SSH1: variants seen among roughly 807,000 people sequenced by gnomAD.
SSH1 encodes the protein slingshot protein phosphatase 1, also known as protein phosphatase Slingshot homolog 1.
SSH1 carries 43 observed loss-of-function variants against 79.7 expected under a neutral mutation model. The observed-to-expected ratio is 0.54, with a 90% confidence interval of 0.42 to 0.70. SSH1 has a LOEUF of 0.70. Ranked by LOEUF, SSH1 falls within the 30% of genes least tolerant of loss-of-function variation. SSH1 has a pLI of 0.00. For missense variants in SSH1, 1,206 were observed against 1,358.8 expected (o/e 0.89, Z 1.77); for synonymous variants, 599 against 538.3 (o/e 1.11, Z -1.56).
At chr12:108,792,026 G>A in intron 14 of SSH1, 3 of 1,428,574 alleles carry the variant, frequency 2.1e-6, no homozygotes, top group Non-Finnish European at 2.8e-6. Context: ...AAGATGGTGT[G>A]CAGAGATATG....
chr12:108,794,349 C>CT (rs2036650175), intron 13 of SSH1, among the ~76,000 whole-genome samples: 1 of 152,176 alleles, frequency 6.6e-6, no homozygotes. Context: ...AACCGCAGGG[C>CT]TTTTTGCACA....
At chr12:108,793,577 G>A (rs1257276327) in intron 13 of SSH1, among the ~76,000 whole-genome samples, 1 of 151,622 alleles carries the variant, frequency 6.6e-6, no homozygotes. Flanking sequence ...TATTTTTTTT[G>A]TAGTGACAGG....
intron 2 of SSH1, among the ~76,000 whole-genome samples, chr12:108,852,164 T>C (rs2039053367): frequency 6.6e-6 from 1 of 152,166 alleles, no homozygotes; most frequent in South Asian, 2.1e-4. Flanking sequence ...GCTAGACATA[T>C]GTATGGATTT....
Position 108,778,208 on chromosome 12 carries a change from T to C in SSH1, c.*9780A>G, listed in dbSNP as rs1385421956. On this transcript the variant is annotated 3_prime_UTR_variant, in exon 15 of 15. Coordinates refer to ENST00000326495, the MANE Select transcript of SSH1 (RefSeq NM_018984.4). ...ACAAGTTCTCAGTTGCAAAAGGAGATTTATTGTTTGCACCTGTCTATAAGT... is the reference window on the plus strand; with the variant it reads ...ACAAGTTCTCAGTTGCAAAAGGAGACTTATTGTTTGCACCTGTCTATAAGT... 1 of 152,200 alleles carries C rather than the reference T, an allele frequency of 6.6e-6. No individual in the cohort carries two copies. The highest frequency in any genetic ancestry group is 1.9e-4 in the East Asian group (1 of 5,200). The allele number at this position is 152,200 out of a possible 1,614,324, so 9.4% of individuals were successfully genotyped here. A position where few individuals can be genotyped will look rare whatever the true frequency, so the allele number is the denominator to read the frequency against.
At position 108,857,565 on chromosome 12, in the gene SSH1, G is replaced by A. The variant is rs2039170824; in HGVS notation, c.-69C>T. On this transcript the variant is annotated 5_prime_UTR_variant, in exon 1 of 15. Coordinates refer to ENST00000326495, the MANE Select transcript of SSH1 (RefSeq NM_018984.4). The surrounding 1 kb of genome is among the most constrained non-coding windows in gnomAD (Gnocchi z 4.7). The stretch of plus-strand genomic sequence containing the variant: ...AGCCGCCACCGCCACCGCCGCCCGG[G>A]CCGGGCCCGGGGCCTCCTGGAGCCG... The A allele has an allele frequency of 2.1e-6, 2 of 954,078 alleles. No individual in the cohort carries two copies. The highest frequency in any genetic ancestry group is 1.3e-6 in the Non-Finnish European group (1 of 798,376). 59.1% of individuals were successfully genotyped at this position (954,078 alleles called of 1,614,324 possible). A position where few individuals can be genotyped will look rare whatever the true frequency, so the allele number is the denominator to read the frequency against.
intron 1 of SSH1, among the ~76,000 whole-genome samples, chr12:108,856,468 A>G (rs771183150): frequency 3.3e-5 from 5 of 152,226 alleles, no homozygotes; most frequent in Non-Finnish European, 5.9e-5. Context: ...CACCTATGCA[A>G]TCACCCAGAA....
intron 4 of SSH1, 90 bp downstream of exon 4, chr12:108,818,159 C>G: frequency 9.2e-7 from 1 of 1,087,898 alleles, no homozygotes; most frequent in South Asian, 1.3e-5. Context: ...GATCATGCCA[C>G]TGCACTCCAG....
Position 108,857,430 on chromosome 12 carries a change from C to A in SSH1, c.67G>T (p.Glu23Ter). 4.6e-6 allele frequency: 5 copies of A among 1,098,806 alleles called. No homozygotes were observed. Among genetic ancestry groups the A allele is most frequent in the Non-Finnish European group, 5.6e-6 (5 of 888,580 alleles). 68.1% of individuals were successfully genotyped at this position (1,098,806 alleles called of 1,614,324 possible). Residue 23 changes from glutamate (E) to a stop codon, truncating the protein, a stop_gained and splice_region_variant, in exon 1 of 15, where the codon GAG becomes TAG. Transcript: ENST00000326495. LOFTEE classifies it high-confidence loss of function. The surrounding 1 kb of genome is among the most constrained non-coding windows in gnomAD (Gnocchi z 4.7). ...SAASSSASNS[E>*]LEAGSEEDRK... is the part of the protein sequence containing the mutation. ...GGCGCGGCGAGCCCGGGGCTCACCT[C>A]GCTGTTGCTGGCCGAGGAGGAGGCG...
chr12:108,800,386 T>C (rs1314898482), intron 12 of SSH1, among the ~76,000 whole-genome samples: 2 of 152,160 alleles, frequency 1.3e-5, no homozygotes, highest in Admixed American at 6.5e-5. Flanking sequence ...TGTCCGTGCA[T>C]GTCATCCCCT....
chr12:108,793,968 C>T (rs17040947), intron 13 of SSH1, among the ~76,000 whole-genome samples: 3,217 of 152,260 alleles, frequency 0.021, 113 homozygotes, highest in African/African-American at 0.073. Flanking sequence ...GCACTGAGTG[C>T]GTGGCAGGCT....
At chr12:108,805,595 A>G (rs2037230321) in intron 9 of SSH1, among the ~76,000 whole-genome samples, 1 of 152,136 alleles carries the variant, frequency 6.6e-6, no homozygotes, top group African/African-American at 2.4e-5. Flanking sequence ...GGAGTGGCTC[A>G]TGCCTGTAAT....
chr12:108,812,923 T>G (rs1338937310), intron 5 of SSH1, among the ~76,000 whole-genome samples: 1 of 150,882 alleles, frequency 6.6e-6, no homozygotes, highest in East Asian at 1.9e-4. Flanking sequence ...AATACAGTGG[T>G]GTAATCACAG....
intron 2 of SSH1, among the ~76,000 whole-genome samples, chr12:108,835,853 G>T (rs936050859): frequency 4.7e-5 from 6 of 127,758 alleles, no homozygotes; most frequent in Non-Finnish European, 8.4e-5. Flanking sequence ...ATATATTTAT[G>T]ATATATAGCA....
chr12:108,846,528 C>A (rs1392599807), intron 2 of SSH1, among the ~76,000 whole-genome samples: 1 of 152,218 alleles, frequency 6.6e-6, no homozygotes, highest in Non-Finnish European at 1.5e-5. Context: ...CCTGCACATG[C>A]AGAAGGCAGG....
chr12:108,844,808 C>T (rs943733667), intron 2 of SSH1, among the ~76,000 whole-genome samples: 1 of 152,214 alleles, frequency 6.6e-6, no homozygotes, highest in African/African-American at 2.4e-5. Flanking sequence ...TTCTCCACAG[C>T]TGCAAGAAAA....
In SSH1 at chr12:108,811,102, G is replaced by A. The variant is rs577460871; in HGVS notation, c.470+158C>T. Among the ~76,000 whole-genome samples, 9 of 152,182 alleles carry A rather than the reference G, an allele frequency of 5.9e-5. No individual in the cohort carries two copies. The South Asian group carries it at 1.0e-3, about 18-fold the overall frequency. On this transcript the variant is annotated intron_variant, in intron 6 of 14. Coordinates refer to ENST00000326495, the MANE Select transcript of SSH1 (RefSeq NM_018984.4). Reference sequence around the variant, plus strand: ...AGACGTCCAAAACATACCCTCCCTCGTGCCCTCTCACTCGAGGGCAATATG... The same window carrying A: ...AGACGTCCAAAACATACCCTCCCTCATGCCCTCTCACTCGAGGGCAATATG...
intron 5 of SSH1, among the ~76,000 whole-genome samples, chr12:108,814,139 G>A (rs1337498923): frequency 3.3e-5 from 5 of 152,082 alleles, no homozygotes; most frequent in Non-Finnish European, 7.4e-5. Context: ...CAGGAGAATC[G>A]CTTGAACGCG....
chr12:108,838,255 C>G (rs943614812), intron 2 of SSH1, among the ~76,000 whole-genome samples: 1 of 152,210 alleles, frequency 6.6e-6, no homozygotes, highest in Non-Finnish European at 1.5e-5. Flanking sequence ...TTTACCCTCA[C>G]CAAGCAAGAC....
At position 108,792,275 on chromosome 12, in the gene SSH1, G is replaced by A; in HGVS notation, c.1893+11C>T. The A allele has an allele frequency of 6.2e-7, 1 of 1,614,176 alleles. No homozygotes were observed. Among genetic ancestry groups the A allele is most frequent in the South Asian group, 1.1e-5 (1 of 91,090 alleles). ...TGGGGTGTGCCACCCTGCAGGCCGG[G>A]CTCTGCCTACCTCCATGCCGTTGGG... On this transcript the variant is annotated intron_variant, in intron 14 of 14. Coordinates refer to ENST00000326495, the MANE Select transcript of SSH1 (RefSeq NM_018984.4).
Sources: allele counts gnomAD v4.1 joint callset (sites outside exome capture counted in the v4.1 genomes callset), GRCh38; gene constraint gnomAD v4.1.1; non-coding constraint Gnocchi (gnomAD v3.1); transcripts MANE v1.5; gene names NCBI Gene and HGNC (gene_info 2026-07-23, HGNC 2026-07-21).